MAMDC2: variants seen among roughly 807,000 people sequenced by gnomAD.
MAMDC2 encodes MAM domain-containing protein 2.
In MAMDC2, 57 loss-of-function variants were observed where a neutral mutation model predicts 89.8. The ratio of observed to expected loss-of-function variants is 0.63; its 90% CI spans 0.51 to 0.79. The LOEUF is 0.79. MAMDC2 is among the 30% of genes least tolerant of loss of function. The pLI is 0.00. For synonymous variants in MAMDC2, 313 were observed against 293.4 expected, an observed-to-expected ratio of 1.07 and a Z score of -0.68; for missense variants, 800 against 820.6, an observed-to-expected ratio of 0.97 and a Z score of 0.31.
intron 6 of MAMDC2, among the ~76,000 whole-genome samples, chr9:70,126,825 TG>T (rs956706316): frequency 6.6e-6 from 1 of 150,950 alleles, no homozygotes; most frequent in Non-Finnish European, 1.5e-5. Context: ...TTGAGTGAAC[TG>T]TTTTTTTTTT....
intron 2 of MAMDC2, among the ~76,000 whole-genome samples, chr9:70,098,331 G>C (rs1828079297): frequency 6.6e-6 from 1 of 152,118 alleles, no homozygotes; most frequent in African/African-American, 2.4e-5. Context: ...CCAAGCCTGT[G>C]GGGTCTCTGA....
At chr9:70,119,860 T>C (rs1249427478) in intron 5 of MAMDC2, among the ~76,000 whole-genome samples, 2 of 152,336 alleles carry the variant, frequency 1.3e-5, no homozygotes, top group Admixed American at 6.5e-5. Flanking sequence ...TTCACTTGCC[T>C]CTTGCTATTT....
At chr9:70,081,290 C>G (rs1374811898) in intron 2 of MAMDC2, among the ~76,000 whole-genome samples, 2 of 151,968 alleles carry the variant, frequency 1.3e-5, no homozygotes. Context: ...ATCTTGGGCT[C>G]AAGAGCAATG....
At chr9:70,195,141 A>G (rs2032953383) in intron 11 of MAMDC2, among the ~76,000 whole-genome samples, 1 of 152,094 alleles carries the variant, frequency 6.6e-6, no homozygotes, top group African/African-American at 2.4e-5. Flanking sequence ...TAGTACAAAT[A>G]TGGACAGGCA....
chr9:70,202,070 T>C (rs1247423834), intron 11 of MAMDC2, among the ~76,000 whole-genome samples: 2 of 151,852 alleles, frequency 1.3e-5, no homozygotes, highest in Admixed American at 6.6e-5. Flanking sequence ...CTGCTCTGAT[T>C]TTAGTTATTT....
At chr9:70,130,008 CTGTGTGTGTGTGTGTG>C (rs71364580) in intron 6 of MAMDC2, among the ~76,000 whole-genome samples, 17 of 147,198 alleles carry the variant, frequency 1.2e-4, no homozygotes, top group South Asian at 1.1e-3. Context: ...ACATGGCATT[CTGTGTGTGTGTGTGTG>C]TGTGTGTGTG....
chr9:70,168,856 G>A (rs1474222283), intron 10 of MAMDC2, 61 bp downstream of exon 10: 29 of 1,335,642 alleles, frequency 2.2e-5, no homozygotes, highest in South Asian at 1.8e-4. Flanking sequence ...TTCCTGTATC[G>A]CTGAGAATCA....
At chr9:70,064,813 A>G (rs1032806583) in intron 2 of MAMDC2, among the ~76,000 whole-genome samples, 4 of 152,218 alleles carry the variant, frequency 2.6e-5, no homozygotes, top group African/African-American at 9.6e-5. Context: ...AGAGAGTCAA[A>G]TGACTTGTGT....
chr9:70,130,018 G>GTGTT (rs1329337983), intron 6 of MAMDC2, among the ~76,000 whole-genome samples: 2 of 150,380 alleles, frequency 1.3e-5, no homozygotes, highest in African/African-American at 4.9e-5. Context: ...CTGTGTGTGT[G>GTGTT]TGTGTGTGTG....
At chr9:70,068,340 C>T (rs140318125) in intron 2 of MAMDC2, among the ~76,000 whole-genome samples, 4 of 152,228 alleles carry the variant, frequency 2.6e-5, no homozygotes, top group Non-Finnish European at 4.4e-5. Context: ...ATTTATTGAG[C>T]ACCTCCTCTG....
intron 9 of MAMDC2, among the ~76,000 whole-genome samples, chr9:70,159,342 C>CATAT (rs1263770694): frequency 6.6e-6 from 1 of 152,002 alleles, no homozygotes; most frequent in Non-Finnish European, 1.5e-5. Context: ...TGGAAACTAC[C>CATAT]ATATTGTCTG....
chr9:70,166,304 CATATAT>C (rs56121728), intron 9 of MAMDC2, among the ~76,000 whole-genome samples: 29 of 131,272 alleles, frequency 2.2e-4, no homozygotes, highest in South Asian at 7.4e-4. Flanking sequence ...CACACACACA[CATATAT>C]ATATATACAT....
intron 11 of MAMDC2, among the ~76,000 whole-genome samples, chr9:70,182,440 C>T (rs976206262): frequency 6.6e-6 from 1 of 152,178 alleles, no homozygotes; most frequent in Admixed American, 6.5e-5. Flanking sequence ...GTACCAGCTC[C>T]TCTTTGTACC....
intron 11 of MAMDC2, among the ~76,000 whole-genome samples, chr9:70,204,636 C>T (rs1365495081): frequency 3.3e-5 from 5 of 151,660 alleles, no homozygotes; most frequent in East Asian, 1.9e-4. Context: ...TGGGCAATGG[C>T]GGGCGCCCCT....
intron 9 of MAMDC2, among the ~76,000 whole-genome samples, chr9:70,167,420 A>G (rs772026674): frequency 2.6e-5 from 4 of 152,242 alleles, no homozygotes; most frequent in African/African-American, 4.8e-5. Flanking sequence ...CTGATAAAAC[A>G]ATAAATTTAA....
At chr9:70,080,263 T>C (rs1403483681) in intron 2 of MAMDC2, among the ~76,000 whole-genome samples, 1 of 152,206 alleles carries the variant, frequency 6.6e-6, no homozygotes, top group Non-Finnish European at 1.5e-5. Flanking sequence ...TCTATGTATG[T>C]AGAAACATTA....
At chr9:70,193,209 T>G (rs760209656) in intron 11 of MAMDC2, among the ~76,000 whole-genome samples, 1 of 152,132 alleles carries the variant, frequency 6.6e-6, no homozygotes, top group African/African-American at 2.4e-5. Flanking sequence ...AGAAACCACT[T>G]TGATAATCAC....
intron 5 of MAMDC2, among the ~76,000 whole-genome samples, chr9:70,119,147 T>C (rs1442558596): frequency 6.9e-6 from 1 of 144,044 alleles, no homozygotes; most frequent in African/African-American, 2.7e-5. Context: ...GGTAACCTAC[T>C]GACAGCTCAG....
intron 7 of MAMDC2, among the ~76,000 whole-genome samples, chr9:70,132,086 T>C (rs762329338): frequency 1.5e-4 from 23 of 152,238 alleles, no homozygotes; most frequent in African/African-American, 4.8e-4. Context: ...CATCTCTAGA[T>C]AGTTTTAGCT....
Sources: allele counts gnomAD v4.1 joint callset (sites outside exome capture counted in the v4.1 genomes callset), GRCh38; gene constraint gnomAD v4.1.1; transcripts MANE v1.5; gene names NCBI Gene and HGNC (gene_info 2026-07-23, HGNC 2026-07-21).